The following PRPF6 variants were observed in gnomAD, a reference collection of about 807,000 sequenced individuals.
The protein encoded by PRPF6 is pre-mRNA-processing factor 6.
A neutral mutation model predicts 118.3 loss-of-function variants in PRPF6; 42 were observed. The ratio of observed to expected loss-of-function variants is 0.35; its 90% CI spans 0.28 to 0.46. PRPF6 has a LOEUF of 0.46. Ranked by LOEUF, PRPF6 falls within the 20% of genes least tolerant of loss-of-function variation. The pLI is 1.00. For synonymous variants in PRPF6, 481 were observed against 485.1 expected, an observed-to-expected ratio of 0.99 and a Z score of 0.11; for missense variants, 662 against 1,255.7, an observed-to-expected ratio of 0.53 and a Z score of 7.15.
intron 12 of PRPF6, among the ~76,000 whole-genome samples, chr20:64,019,095 T>G (rs1414266046): frequency 6.8e-6 from 1 of 147,132 alleles, no homozygotes; most frequent in Non-Finnish European, 1.5e-5. Context: ...GTTGTTGGTT[T>G]TTTTTTTTTT....
At chr20:64,002,484 C>T (rs556973130) in intron 9 of PRPF6, among the ~76,000 whole-genome samples, 160 of 150,192 alleles carry the variant, frequency 1.1e-3, no homozygotes, top group African/African-American at 3.7e-3. Context: ...TACAGGTGTG[C>T]GCCTCCATGC....
intron 11 of PRPF6, among the ~76,000 whole-genome samples, chr20:64,015,869 C>T (rs1269666871): frequency 1.3e-5 from 2 of 152,126 alleles, no homozygotes; most frequent in Non-Finnish European, 2.9e-5. Context: ...GGCTTATGCA[C>T]TAATCCCAGC....
At position 64,027,259 on chromosome 20, in the gene PRPF6, G is replaced by A. The variant is rs2059295260; in HGVS notation, c.2205+101G>A. On this transcript the variant is annotated intron_variant, in intron 16 of 20. Coordinates refer to ENST00000266079, the MANE Select transcript of PRPF6 (RefSeq NM_012469.4). The surrounding 1 kb of genome is among the most constrained non-coding windows in gnomAD (Gnocchi z 6.5). ...TGCCCTTCGCCTCTGAGGAGATGTG[G>A]AGGGCTGGGGGTTACAGCTGATGGA... 2 of 1,449,446 alleles carry A rather than the reference G, an allele frequency of 1.4e-6. No individual in the cohort carries two copies. The highest frequency in any genetic ancestry group is 1.9e-6 in the Non-Finnish European group (2 of 1,052,538). The allele number at this position is 1,449,446 out of a possible 1,614,324, so 89.8% of individuals were successfully genotyped here. A position where few individuals can be genotyped will look rare whatever the true frequency, so the allele number is the denominator to read the frequency against.
At chr20:63,993,679 TA>T (rs2059128677) in intron 4 of PRPF6, among the ~76,000 whole-genome samples, 194 bp downstream of exon 4, 1 of 148,854 alleles carries the variant, frequency 6.7e-6, no homozygotes, top group Admixed American at 6.7e-5. Context: ...TCCCCTACTG[TA>T]AAAGGTAGGA....
At chr20:64,002,358 CAG>C (rs933363452) in intron 9 of PRPF6, among the ~76,000 whole-genome samples, 12 of 123,592 alleles carry the variant, frequency 9.7e-5, no homozygotes, top group Admixed American at 7.6e-4. Context: ...TTTTTTTAGA[CAG>C]AGTCTCGCTT....
At position 63,993,262 on chromosome 20, in the gene PRPF6, GTATA is replaced by G. The variant is rs757526464; in HGVS notation, c.360-143_360-140del. On this transcript the variant is annotated intron_variant, in intron 3 of 20. Transcript: ENST00000266079. Reference sequence around the variant, plus strand: ...TGTGTGTGTGTGTGTGTGTGTGTGTGTATATGTATATATATATATATATATTTGA... The same window carrying G: ...TGTGTGTGTGTGTGTGTGTGTGTGTGTGTATATATATATATATATATTTGA... 1.6e-3 allele frequency: 418 copies of G among 266,014 alleles called. 8 individuals are homozygous for G. The highest frequency in any genetic ancestry group is 0.012 in the African/African-American group (308 of 25,194). The allele number at this position is 266,014 out of a possible 1,614,324, so 16.5% of individuals were successfully genotyped here. A position where few individuals can be genotyped will look rare whatever the true frequency, so the allele number is the denominator to read the frequency against.
intron 9 of PRPF6, 62 bp downstream of exon 9, chr20:64,001,301 C>T (rs370639796): frequency 3.8e-6 from 6 of 1,573,852 alleles, no homozygotes; most frequent in African/African-American, 2.7e-5. Flanking sequence ...CAGCAGCTTT[C>T]CTGCTCCTGG....
At chr20:63,983,268 G>A (rs151081257) in intron 2 of PRPF6, 53 bp downstream of exon 2, 57 of 1,609,012 alleles carry the variant, frequency 3.5e-5, no homozygotes, top group Admixed American at 3.0e-4. Context: ...GGGAGCAGCT[G>A]ACCTAACCAG....
chr20:64,026,016 G>A lies in PRPF6; in HGVS notation c.1986G>A (p.Arg662=). Residue 662 remains arginine (R), a synonymous_variant, in exon 15 of 21, where the codon CGG becomes CGA. Transcript: ENST00000266079. This position sits in a 1 kb window ranked among gnomAD's most constrained non-coding sequence, Gnocchi z 4.4. ...AGAATGATGAGTACGAGCGGGCCCG[G>A]AGGCTGCTGGCCAAGGCGCGGAGCA... The part of the protein sequence containing the change: ...ESENDEYERA[R]RLLAKARSSA... 1.2e-6 allele frequency: 2 copies of A among 1,611,206 alleles called. No homozygotes were observed. Among genetic ancestry groups the A allele is most frequent in the Non-Finnish European group, 1.7e-6 (2 of 1,179,996 alleles).
intron 3 of PRPF6, among the ~76,000 whole-genome samples, chr20:63,991,317 A>G (rs2059117555): frequency 6.6e-6 from 1 of 151,716 alleles, no homozygotes; most frequent in Non-Finnish European, 1.5e-5. Flanking sequence ...CTACATTCCC[A>G]AGGCTGAGGC....
intron 11 of PRPF6, among the ~76,000 whole-genome samples, chr20:64,014,259 C>T (rs1010591414): frequency 2.7e-4 from 41 of 151,968 alleles, no homozygotes; most frequent in Non-Finnish European, 1.5e-5. Flanking sequence ...TTTTTACTTT[C>T]TTTCTCTACA....
In PRPF6 at chr20:64,031,943, A is replaced by T. The variant is rs761637945; in HGVS notation, c.2572A>T (p.Thr858Ser). ...GCTGTTTTGGAGTCAGCGGAAGATC[A>T]CCAAGGCCAGGGAGTGGTTCCACCG... ...AKLFWSQRKI[T>S]KAREWFHRTV... The change falls in exon 20 of 21, where the codon ACC becomes TCC. Residue 858 changes from threonine to serine, a missense_variant. By Grantham distance (58) the Thr-to-Ser change is moderately conservative. Transcript: ENST00000266079. The T allele has an allele frequency of 1.2e-6, 2 of 1,614,054 alleles. No individual in the cohort carries two copies.
intron 6 of PRPF6, 133 bp downstream of exon 6, chr20:63,995,615 CTT>C (rs113295997): frequency 7.7e-3 from 6,640 of 859,488 alleles, no homozygotes; most frequent in Middle Eastern, 0.01. Flanking sequence ...TCTCCTTCTC[CTT>C]TTTTTTTTTT....
intron 3 of PRPF6, among the ~76,000 whole-genome samples, chr20:63,985,693 A>G (rs2059090060): frequency 6.6e-6 from 1 of 152,246 alleles, no homozygotes. Context: ...ACAAGCTACC[A>G]AGATTGAACC....
Position 64,027,913 on chromosome 20 carries a change from A to G in PRPF6, c.2339+177A>G, listed in dbSNP as rs985606554. Among the ~76,000 whole-genome samples the G allele has an allele frequency of 2.0e-5, 3 of 152,078 alleles. No homozygotes were observed. Among genetic ancestry groups the G allele is most frequent in the Admixed American group, 6.5e-5 (1 of 15,270 alleles). ...TCCCTGCCTTAGGAGAGTTCGGCCT[A>G]GGTACTGTGACAGGCCTGTAGATGG... On this transcript the variant is annotated intron_variant, in intron 17 of 20. Coordinates refer to ENST00000266079, the MANE Select transcript of PRPF6 (RefSeq NM_012469.4). The surrounding 1 kb of genome is among the most constrained non-coding windows in gnomAD (Gnocchi z 6.5).
intron 6 of PRPF6, among the ~76,000 whole-genome samples, chr20:63,996,574 C>CA (rs1173946410): frequency 6.6e-6 from 1 of 152,202 alleles, no homozygotes; most frequent in African/African-American, 2.4e-5. Flanking sequence ...GCTGGCCTCA[C>CA]AAAGTGCTGG....
At chr20:64,032,233 G>A (rs571927741) in intron 20 of PRPF6, among the ~76,000 whole-genome samples, 189 bp downstream of exon 20, 6 of 152,320 alleles carry the variant, frequency 3.9e-5, no homozygotes, top group Admixed American at 6.5e-5. Flanking sequence ...CTCCACATCC[G>A]TTTTCTGGTT....
At chr20:64,012,900 C>T (rs966035366) in intron 11 of PRPF6, among the ~76,000 whole-genome samples, 4 of 151,170 alleles carry the variant, frequency 2.6e-5, no homozygotes, top group East Asian at 1.9e-4. Flanking sequence ...GATACACCTA[C>T]GAGAGGAGGA....
In PRPF6 at chr20:63,981,186, G is replaced by A; in HGVS notation, c.-60G>A. 2.0e-6 allele frequency: 3 copies of A among 1,529,074 alleles called. No homozygotes were observed. Among genetic ancestry groups the A allele is most frequent in the South Asian group, 2.4e-5 (2 of 84,464 alleles). 94.7% of individuals were successfully genotyped at this position (1,529,074 alleles called of 1,614,324 possible). ...GGACGTCGAAGCCTAGAGTCTCTGC[G>A]TCTTTCCCTCTTCCGCTGCCTCATT... On this transcript the variant is annotated 5_prime_UTR_variant, in exon 1 of 21. Transcript: ENST00000266079.
Sources: gnomAD v4.1 joint callset for allele counts (sites outside exome capture counted in the v4.1 genomes callset) on GRCh38, gnomAD v4.1.1 for gene constraint, Gnocchi (gnomAD v3.1) non-coding constraint, MANE v1.5 for transcripts, NCBI Gene and HGNC (gene_info 2026-07-23, HGNC 2026-07-21) for gene names.